SLC30A7: variants seen among roughly 807,000 people sequenced by gnomAD.
SLC30A7 encodes the protein zinc transporter 7.
Under a neutral mutation model 46.0 loss-of-function variants are expected in SLC30A7, and 35 were observed. That is an observed-to-expected ratio of 0.76 (90% CI 0.58 to 1.01). SLC30A7 has a LOEUF of 1.01. SLC30A7 is among the 50% of genes least tolerant of loss of function. The probability of loss-of-function intolerance (pLI) is 0.00; values close to 1 mark genes in which losing one functional copy is unlikely to be tolerated. For synonymous variants in SLC30A7, 147 were observed against 157.8 expected, an observed-to-expected ratio of 0.93 and a Z score of 0.51; for missense variants, 464 against 451.1, an observed-to-expected ratio of 1.03 and a Z score of -0.26.
chr1:100,915,178 CT>C lies in SLC30A7; in HGVS notation c.655+1376del, dbSNP rs374066755. Reference sequence around the variant, plus strand: ...CCCTTCCTCACTTCTTTTCTTTTTTCTTTTCTTTTCTTTCTTTTCTTTCTTT... The same window carrying C: ...CCCTTCCTCACTTCTTTTCTTTTTTCTTTCTTTTCTTTCTTTTCTTTCTTT... On this transcript the variant is annotated intron_variant, in intron 6 of 10. Coordinates refer to ENST00000357650, the MANE Select transcript of SLC30A7 (RefSeq NM_133496.5). Among the ~76,000 whole-genome samples the C allele has an allele frequency of 9.9e-3, 705 of 71,204 alleles. 3 individuals are homozygous for C. Among genetic ancestry groups the C allele is most frequent in the Non-Finnish European group, 0.012 (375 of 32,182 alleles). 46.7% of individuals were successfully genotyped at this position (71,204 alleles called of 152,430 possible).
chr1:100,959,590 A>G (rs1197112541), intron 8 of SLC30A7, among the ~76,000 whole-genome samples: 1 of 152,228 alleles, frequency 6.6e-6, no homozygotes, highest in East Asian at 1.9e-4. Context: ...CTCAAGAAGT[A>G]TCCTTCAATT....
Position 100,913,643 on chromosome 1 carries a change from C to G in SLC30A7, c.512-20C>G. 6.3e-7 allele frequency: 1 copy of G among 1,585,592 alleles called. No homozygotes were observed. Among genetic ancestry groups the G allele is most frequent in the Non-Finnish European group, 8.7e-7 (1 of 1,154,212 alleles). On this transcript the variant is annotated intron_variant, in intron 5 of 10. Transcript: ENST00000357650. Reference sequence around the variant, plus strand: ...TAATATATTTTTACATACCTTCTGTCCTAACACTTTGTTTTCTAGGCCACG... The same window carrying G: ...TAATATATTTTTACATACCTTCTGTGCTAACACTTTGTTTTCTAGGCCACG...
intron 6 of SLC30A7, among the ~76,000 whole-genome samples, chr1:100,917,467 G>A (rs972933807): frequency 3.3e-5 from 5 of 152,064 alleles, no homozygotes; most frequent in African/African-American, 4.8e-5. Flanking sequence ...TCTTCCTGAT[G>A]ATCTGTTTAA....
At chr1:100,901,083 A>G (rs1651276712) in intron 2 of SLC30A7, among the ~76,000 whole-genome samples, 1 of 152,184 alleles carries the variant, frequency 6.6e-6, no homozygotes, top group Non-Finnish European at 1.5e-5. Flanking sequence ...CTATTTCATT[A>G]TGCTTCTCTA....
chr1:100,921,353 G>A (rs532314987), intron 7 of SLC30A7, among the ~76,000 whole-genome samples: 1 of 152,206 alleles, frequency 6.6e-6, no homozygotes, highest in African/African-American at 2.4e-5. Context: ...TTAGCCTAAT[G>A]CAATTTCCAT....
intron 2 of SLC30A7, 42 bp from the exon 3 acceptor site, chr1:100,906,810 T>G: frequency 7.5e-7 from 1 of 1,325,780 alleles, no homozygotes; most frequent in Non-Finnish European, 1.1e-6. Context: ...GCCTACTGTT[T>G]GGTTTTTATT....
the SLC30A7 span, chr1:100,990,516 A>G: frequency 6.2e-7 from 1 of 1,614,212 alleles, no homozygotes; most frequent in East Asian, 2.2e-5. Flanking sequence ...TGATCAAGGA[A>G]TGCAATGGTT....
intron 9 of SLC30A7, among the ~76,000 whole-genome samples, chr1:100,963,159 A>G (rs889985034): frequency 2.6e-5 from 4 of 152,332 alleles, no homozygotes; most frequent in South Asian, 2.1e-4. Flanking sequence ...ATAAGTCATC[A>G]ATATATGAAT....
At position 100,978,734 on chromosome 1, in the gene SLC30A7, A is replaced by G. The variant is rs76331456; in HGVS notation, c.*3877A>G. ...ACCTCCTTTTTTGGTACATTAAGGC[A>G]CTTTATAAATGGACTTTTATTGTCT... On this transcript the variant is annotated 3_prime_UTR_variant, in exon 11 of 11. Transcript: ENST00000357650. 971 of 152,306 alleles carry G rather than the reference A, an allele frequency of 6.4e-3. 16 individuals carry two copies. Among genetic ancestry groups the G allele is most frequent in the African/African-American group, 0.02 (843 of 41,558 alleles). The allele number at this position is 152,306 out of a possible 1,614,324, so 9.4% of individuals were successfully genotyped here.
chr1:100,987,749 A>T, the SLC30A7 span, among the ~76,000 whole-genome samples: 4 of 150,160 alleles, frequency 2.7e-5, no homozygotes, highest in Non-Finnish European at 4.4e-5. Context: ...ATTGTATTCC[A>T]GTCATTGTTT....
At chr1:100,938,760 T>G (rs1241558605) in intron 8 of SLC30A7, among the ~76,000 whole-genome samples, 1 of 152,220 alleles carries the variant, frequency 6.6e-6, no homozygotes, top group Non-Finnish European at 1.5e-5. Context: ...AGAGAGCATC[T>G]GATCTCAGGG....
intron 8 of SLC30A7, among the ~76,000 whole-genome samples, chr1:100,938,712 T>C (rs568468208): frequency 1.5e-4 from 23 of 152,336 alleles, no homozygotes; most frequent in African/African-American, 4.1e-4. Flanking sequence ...TCATTATAGC[T>C]GTGTAACACA....
intron 8 of SLC30A7, among the ~76,000 whole-genome samples, chr1:100,936,299 A>G (rs1653964225): frequency 6.6e-6 from 1 of 152,102 alleles, no homozygotes; most frequent in South Asian, 2.1e-4. Flanking sequence ...GAAGTGGAGG[A>G]TCTGATATTT....
At position 100,965,771 on chromosome 1, in the gene SLC30A7, A is replaced by G; in HGVS notation, c.936A>G (p.Val312=). ...ENSLPQCYQR[V]QQLQGVYSLQ... ...AATATCTCTCCTTTATATTTCAGGT[A>G]CAGCAGTTGCAAGGAGTTTACAGTT... Residue 312 remains valine, a splice_region_variant and synonymous_variant, in exon 10 of 11, where the codon GTA becomes GTG. Transcript: ENST00000357650. The G allele has an allele frequency of 6.2e-7, 1 of 1,613,106 alleles. No homozygotes were observed. Among genetic ancestry groups the G allele is most frequent in the Non-Finnish European group, 8.5e-7 (1 of 1,179,124 alleles).
In SLC30A7 at chr1:100,965,760, A is replaced by G. The variant is rs201728097; in HGVS notation, c.934-9A>G. 41 of 1,611,608 alleles carry G rather than the reference A, an allele frequency of 2.5e-5. No homozygotes were observed. The East Asian group carries it at 4.5e-4, about 18-fold the overall frequency. ...ATTATGATGTTAATATCTCTCCTTTATATTTCAGGTACAGCAGTTGCAAGG... is the reference window on the plus strand; with the variant it reads ...ATTATGATGTTAATATCTCTCCTTTGTATTTCAGGTACAGCAGTTGCAAGG... On this transcript the variant is annotated splice_polypyrimidine_tract_variant and intron_variant, in intron 9 of 10. Coordinates refer to ENST00000357650, the MANE Select transcript of SLC30A7 (RefSeq NM_133496.5).
chr1:100,924,401 C>T (rs973655434), intron 8 of SLC30A7, among the ~76,000 whole-genome samples: 2 of 152,062 alleles, frequency 1.3e-5, no homozygotes, highest in African/African-American at 4.8e-5. Flanking sequence ...TTTCTTGCCA[C>T]ACCCCCCACC....
intron 2 of SLC30A7, among the ~76,000 whole-genome samples, chr1:100,901,314 C>T (rs1396258130): frequency 6.6e-6 from 1 of 150,508 alleles, no homozygotes; most frequent in Non-Finnish European, 1.5e-5. Flanking sequence ...TTCTCTTTCT[C>T]CCTTCCTTTG....
At chr1:100,944,599 GC>G (rs2101061589) in intron 8 of SLC30A7, among the ~76,000 whole-genome samples, 1 of 151,822 alleles carries the variant, frequency 6.6e-6, no homozygotes, top group East Asian at 1.9e-4. Flanking sequence ...TTGGTTTGCT[GC>G]ACCCATCAAC....
chr1:100,958,794 T>C (rs1228992209), intron 8 of SLC30A7, among the ~76,000 whole-genome samples: 1 of 152,198 alleles, frequency 6.6e-6, no homozygotes, highest in Non-Finnish European at 1.5e-5. Context: ...ATAAATAAGA[T>C]AATTCCTACC....
Sources: allele counts gnomAD v4.1 joint callset (sites outside exome capture counted in the v4.1 genomes callset), GRCh38; gene constraint gnomAD v4.1.1; transcripts MANE v1.5; gene names NCBI Gene and HGNC (gene_info 2026-07-23, HGNC 2026-07-21).